AGBL2: variants seen among roughly 807,000 people sequenced by gnomAD.
AGBL2 encodes the protein AGBL carboxypeptidase 2.
AGBL2 carries 87 observed loss-of-function variants against 103.0 expected under a neutral mutation model. The observed-to-expected ratio is 0.84, with a 90% CI of 0.71 to 1.01. AGBL2 has a LOEUF of 1.01. AGBL2 is among the 50% of genes least tolerant of loss of function. AGBL2 has a pLI of 0.00. For missense variants in AGBL2, 904 were observed against 1,023.5 expected (o/e 0.88, Z 1.59); for synonymous variants, 335 against 356.7 (o/e 0.94, Z 0.69).
chr11:47,692,153 T>C lies in AGBL2; in HGVS notation c.798A>G (p.Leu266=). The C allele has an allele frequency of 6.2e-7, 1 of 1,613,612 alleles. No homozygotes were observed. Among genetic ancestry groups the C allele is most frequent in the Non-Finnish European group, 8.5e-7 (1 of 1,179,780 alleles). The change falls in exon 9 of 19, where the codon CTA becomes CTG. Residue 266 remains leucine, a synonymous_variant. Transcript: ENST00000525123. ...CACTCTCAAACCTTGATTCAAACAG[T>C]AGAGTATTATCTTCTGGTCCTTGCA... is the stretch of plus-strand genomic sequence containing the variant. ...VTLQGPEDNT[L]LFESRFESGN... is the part of the protein sequence containing the mutation.
intron 8 of AGBL2, among the ~76,000 whole-genome samples, chr11:47,699,128 C>A (rs2097488325): frequency 6.6e-6 from 1 of 152,086 alleles, no homozygotes; most frequent in African/African-American, 2.4e-5. Flanking sequence ...AAAGTACTCA[C>A]TAAAGTACGT....
intron 14 of AGBL2, among the ~76,000 whole-genome samples, chr11:47,676,295 T>C (rs1400587262): frequency 6.6e-6 from 1 of 152,124 alleles, no homozygotes; most frequent in Non-Finnish European, 1.5e-5. Flanking sequence ...CAAATCCTAA[T>C]GTTTATAATT....
At chr11:47,685,430 T>TC (rs1406850723) in intron 11 of AGBL2, among the ~76,000 whole-genome samples, 1 of 151,454 alleles carries the variant, frequency 6.6e-6, no homozygotes, top group Non-Finnish European at 1.5e-5. Flanking sequence ...AGCAATTCTT[T>TC]TTTTTTTTGA....
At position 47,690,439 on chromosome 11, in the gene AGBL2, T is replaced by C; in HGVS notation, c.1268A>G (p.Gln423Arg). 8 of 1,614,088 alleles carry C rather than the reference T, an allele frequency of 5.0e-6. No homozygotes were observed. The highest frequency in any genetic ancestry group is 6.8e-6 in the Non-Finnish European group (8 of 1,180,016). ...NPIQSQFCKL[Q>R]TLCRSLAGNT... is the part of the protein sequence containing the mutation. Reference sequence around the variant, plus strand: ...TCCTGCTAGGCTCCTGCATAAAGTTTGGAGCTTGCAGAACTGAGACTGGAT... The same window carrying C: ...TCCTGCTAGGCTCCTGCATAAAGTTCGGAGCTTGCAGAACTGAGACTGGAT... The change falls in exon 10 of 19, where the codon CAA becomes CGA. Residue 423 changes from glutamine to arginine, a missense_variant. By Grantham distance (43) the Gln-to-Arg change is conservative. Transcript: ENST00000525123.
intron 18 of AGBL2, among the ~76,000 whole-genome samples, chr11:47,660,963 T>C (rs1365641317): frequency 6.6e-6 from 1 of 152,158 alleles, no homozygotes; most frequent in East Asian, 1.9e-4. Flanking sequence ...AGGTGGCAGA[T>C]TGCCTCATTT....
At position 47,708,590 on chromosome 11, in the gene AGBL2, C is replaced by T. The variant is rs143483709; in HGVS notation, c.232+1787G>A. ...CAGCACTTTGGGAGGCCAAGGCAGG[C>T]GGGTCGCGAGGTCAAGAGATCAAGA... is the stretch of plus-strand genomic sequence containing the variant. On this transcript the variant is annotated intron_variant, in intron 4 of 18. Coordinates refer to ENST00000525123, the MANE Select transcript of AGBL2 (RefSeq NM_024783.4). 0.01 allele frequency among the ~76,000 whole-genome samples: 1,559 copies of T among 150,762 alleles called. 200 individuals are homozygous for T. The East Asian group carries it at 0.25, about 25-fold the overall frequency.
At chr11:47,697,160 C>G (rs2097477737) in intron 8 of AGBL2, among the ~76,000 whole-genome samples, 1 of 152,078 alleles carries the variant, frequency 6.6e-6, no homozygotes, top group South Asian at 2.1e-4. Flanking sequence ...CACTCCTGAT[C>G]TCAAGTGATC....
In AGBL2 at chr11:47,705,634, T is replaced by C. The variant is rs1278293022; in HGVS notation, c.287A>G (p.Asp96Gly). Residue 96 changes from aspartate to glycine, a missense_variant and splice_region_variant, in exon 6 of 19, where the codon GAC becomes GGC. By Grantham distance (94) the Asp-to-Gly change is moderately conservative. Transcript: ENST00000525123. ...VHRQIEAINR[D>G]FHSCLGWMQW... Reference sequence around the variant, plus strand: ...CATCCAGCCCAGGCAAGAGTGAAAGTCTGTGTCAAAAAAAAAAAAAAAAGA... The same window carrying C: ...CATCCAGCCCAGGCAAGAGTGAAAGCCTGTGTCAAAAAAAAAAAAAAAAGA... 3 of 509,416 alleles carry C rather than the reference T, an allele frequency of 5.9e-6. No homozygotes were observed. Among genetic ancestry groups the C allele is most frequent in the Non-Finnish European group, 1.0e-5 (3 of 294,222 alleles). The allele number at this position is 509,416 out of a possible 1,614,324, so 31.6% of individuals were successfully genotyped here.
In AGBL2 at chr11:47,679,960, A is replaced by G. The variant is rs2097394954; in HGVS notation, c.2016+13T>C. ...CCTGGCCTTCATCACATTTCTTGAA[A>G]CCCCATTTTTACCTTCATTTGGTCA... is the stretch of plus-strand genomic sequence containing the variant. On this transcript the variant is annotated intron_variant, in intron 13 of 18. Transcript: ENST00000525123. 1 of 1,549,142 alleles carries G rather than the reference A, an allele frequency of 6.5e-7. No individual in the cohort carries two copies. The highest frequency in any genetic ancestry group is 2.3e-5 in the East Asian group (1 of 44,400).
chr11:47,662,114 T>C (rs995923542), intron 18 of AGBL2, among the ~76,000 whole-genome samples: 2 of 152,140 alleles, frequency 1.3e-5, no homozygotes, highest in African/African-American at 2.4e-5. Context: ...TGATGAATGT[T>C]ATTATAGGGA....
chr11:47,682,703 C>G (rs1237542109), intron 11 of AGBL2, among the ~76,000 whole-genome samples: 1 of 152,144 alleles, frequency 6.6e-6, no homozygotes, highest in African/African-American at 2.4e-5. Context: ...CCCCTCAGCC[C>G]TTGTGTGTCA....
intron 18 of AGBL2, among the ~76,000 whole-genome samples, chr11:47,662,464 GC>G (rs1461937945): frequency 6.8e-6 from 1 of 147,110 alleles, no homozygotes; most frequent in Non-Finnish European, 1.5e-5. Context: ...ACAGGTGTGA[GC>G]CACTGCACCT....
intron 10 of AGBL2, among the ~76,000 whole-genome samples, chr11:47,686,358 T>G (rs968567793): frequency 7.9e-5 from 12 of 151,746 alleles, no homozygotes; most frequent in Non-Finnish European, 1.5e-4. Context: ...AGCCTTGACC[T>G]CCTGGGCTCA....
intron 14 of AGBL2, among the ~76,000 whole-genome samples, chr11:47,671,083 T>C (rs2097355901): frequency 6.6e-6 from 1 of 152,176 alleles, no homozygotes; most frequent in South Asian, 2.1e-4. Context: ...AGGGCTAGGA[T>C]GAATGAAAAC....
chr11:47,686,447 G>GTTTTT (rs563969184), intron 10 of AGBL2, among the ~76,000 whole-genome samples: 36 of 105,046 alleles, frequency 3.4e-4, no homozygotes, highest in African/African-American at 4.9e-4. Context: ...TTTGTTTCTG[G>GTTTTT]TTTTTTTTTT....
Position 47,660,021 on chromosome 11 carries a change from G to T in AGBL2, c.*152C>A. On this transcript the variant is annotated 3_prime_UTR_variant, in exon 19 of 19. Coordinates refer to ENST00000525123, the MANE Select transcript of AGBL2 (RefSeq NM_024783.4). ...TATGCATCTTGACCACATGCCCACA[G>T]TGTAAGTACAAAGTGTAAGGTCAGT... The T allele has an allele frequency of 2.9e-6, 2 of 694,902 alleles. No homozygotes were observed. The highest frequency in any genetic ancestry group is 4.4e-6 in the Non-Finnish European group (2 of 453,536). 43.0% of individuals were successfully genotyped at this position (694,902 alleles called of 1,614,324 possible).
At chr11:47,669,395 T>C (rs140070998) in intron 14 of AGBL2, among the ~76,000 whole-genome samples, 308 of 152,200 alleles carry the variant, frequency 2.0e-3, no homozygotes, top group Middle Eastern at 0.014. Flanking sequence ...GACAGCTGGG[T>C]GCGGTGGCAC....
chr11:47,681,834 A>G (rs1053624302), intron 12 of AGBL2, 135 bp downstream of exon 12: 6 of 1,116,514 alleles, frequency 5.4e-6, no homozygotes, highest in Non-Finnish European at 6.3e-6. Flanking sequence ...TGGGCACTCA[A>G]ATTTAGCATA....
chr11:47,667,778 C>T, intron 15 of AGBL2, 82 bp from the exon 16 acceptor site: 1 of 1,481,052 alleles, frequency 6.8e-7, no homozygotes, highest in Non-Finnish European at 9.2e-7. Flanking sequence ...ATGCAACACT[C>T]AAGACACAAA....
Sources: allele counts gnomAD v4.1 joint callset (sites outside exome capture counted in the v4.1 genomes callset), GRCh38; gene constraint gnomAD v4.1.1; transcripts MANE v1.5; gene names NCBI Gene and HGNC (gene_info 2026-07-23, HGNC 2026-07-21).